The following GINS1 variants were observed in gnomAD, a reference collection of about 807,000 sequenced individuals.
GINS1 encodes GINS complex subunit 1, also known as DNA replication complex GINS protein PSF1.
GINS1 carries 26 observed loss-of-function variants against 34.9 expected under a neutral mutation model. The observed-to-expected ratio is 0.74, with a 90% CI of 0.55 to 1.03. GINS1 has a LOEUF of 1.03. GINS1 is among the 50% of genes least tolerant of loss of function. GINS1 has a pLI of 0.00. For missense variants in GINS1, 235 were observed against 237.9 expected (o/e 0.99, Z 0.08); for synonymous variants, 97 against 84.4 (o/e 1.15, Z -0.82).
At position 25,446,053 on chromosome 20, in the gene GINS1, CCACCACTCCCTT is replaced by C; in HGVS notation, c.*67_*78del. ...ATGGACTCCTCTGTACTCACTCTCT[CCACCACTCCCTT>C]CACCTCCCTCTTTGATTTTAGAAGC... On this transcript the variant is annotated 3_prime_UTR_variant, in exon 7 of 7. Coordinates refer to ENST00000262460, the MANE Select transcript of GINS1 (RefSeq NM_021067.5). 4 of 830,376 alleles carry C rather than the reference CCACCACTCCCTT, an allele frequency of 4.8e-6. No homozygotes were observed. 51.4% of individuals were successfully genotyped at this position (830,376 alleles called of 1,614,324 possible).
At chr20:25,411,875 G>A (rs2090287374) in intron 1 of GINS1, among the ~76,000 whole-genome samples, 2 of 151,908 alleles carry the variant, frequency 1.3e-5, no homozygotes, top group Admixed American at 6.6e-5. Flanking sequence ...CCCGGGAGAC[G>A]GAGGTTGCAG....
At chr20:25,417,005 G>T (rs879703037) in intron 2 of GINS1, 99 bp from the exon 3 acceptor site, 7 of 599,850 alleles carry the variant, frequency 1.2e-5, no homozygotes, top group Non-Finnish European at 2.1e-5. Context: ...ATCACAAATG[G>T]ATTAAAAACA....
At position 25,407,783 on chromosome 20, in the gene GINS1, G is replaced by C; in HGVS notation, c.-38G>C. The C allele has an allele frequency of 3.9e-6, 6 of 1,545,310 alleles. No individual in the cohort carries two copies. The highest frequency in any genetic ancestry group is 1.7e-4 in the Middle Eastern group (1 of 5,950). On this transcript the variant is annotated 5_prime_UTR_variant, in exon 1 of 7. Transcript: ENST00000262460. ...CAGATACCATTTTGGCGTGAGAGCT[G>C]GTGGTTGGCAAGGCCGCGGGAGTGG...
At chr20:25,434,728 A>G (rs2090445106) in intron 5 of GINS1, among the ~76,000 whole-genome samples, 1 of 152,176 alleles carries the variant, frequency 6.6e-6, no homozygotes, top group African/African-American at 2.4e-5. Context: ...TATAGGCTTG[A>G]GCCACTGTGC....
At chr20:25,442,487 G>A (rs1004811094) in intron 6 of GINS1, among the ~76,000 whole-genome samples, 2 of 150,836 alleles carry the variant, frequency 1.3e-5, no homozygotes, top group Non-Finnish European at 3.0e-5. Flanking sequence ...CCTAAAGTGC[G>A]AGGATTACAG....
chr20:25,443,394 A>C (rs1458189038), intron 6 of GINS1, among the ~76,000 whole-genome samples: 1 of 152,180 alleles, frequency 6.6e-6, no homozygotes, highest in Non-Finnish European at 1.5e-5. Flanking sequence ...GCTCTGGCAC[A>C]AGAACAAGAA....
intron 5 of GINS1, among the ~76,000 whole-genome samples, chr20:25,436,425 C>G (rs1421023149): frequency 6.6e-6 from 1 of 152,054 alleles, no homozygotes; most frequent in Non-Finnish European, 1.5e-5. Flanking sequence ...TCTCTCTGCC[C>G]CTTTGTCTTT....
intron 1 of GINS1, chr20:25,413,430 A>G (rs780696896): frequency 5.1e-5 from 9 of 175,112 alleles, no homozygotes; most frequent in Admixed American, 1.2e-4. Context: ...GGTTGTTTCT[A>G]CATTTTTATT....
At chr20:25,428,692 CCG>C (rs2090407661) in intron 5 of GINS1, among the ~76,000 whole-genome samples, 5 of 151,550 alleles carry the variant, frequency 3.3e-5, no homozygotes, top group Admixed American at 2.6e-4. Flanking sequence ...GTGTGAGCCA[CCG>C]CACCCGGCCT....
chr20:25,445,251 A>G (rs992185330), intron 6 of GINS1, among the ~76,000 whole-genome samples: 4 of 151,998 alleles, frequency 2.6e-5, no homozygotes, highest in Admixed American at 1.3e-4. Flanking sequence ...CTGGAGTGCA[A>G]TGGCACAATC....
chr20:25,419,645 T>C, intron 4 of GINS1: 1 of 765,106 alleles, frequency 1.3e-6, no homozygotes, highest in Non-Finnish European at 1.8e-6. Context: ...ATTTTTCTCA[T>C]ACAATATTTT....
In GINS1 at chr20:25,407,684, A is replaced by T. The variant is rs1277104154; in HGVS notation, c.-137A>T. ...TATTGGCTAGCTTTGTTCGGCGCCA[A>T]AGCGCGGAGCGGAGGCCGAGGCGAG... On this transcript the variant is annotated 5_prime_UTR_variant, in exon 1 of 7. Transcript: ENST00000262460. 5 of 712,430 alleles carry T rather than the reference A, an allele frequency of 7.0e-6. No homozygotes were observed. Among genetic ancestry groups the T allele is most frequent in the African/African-American group, 3.6e-5 (2 of 55,980 alleles). The allele number at this position is 712,430 out of a possible 1,614,324, so 44.1% of individuals were successfully genotyped here. A position where few individuals can be genotyped will look rare whatever the true frequency, so the allele number is the denominator to read the frequency against.
Position 25,428,234 on chromosome 20 carries a change from C to T in GINS1, c.447+2907C>T, listed in dbSNP as rs74549797. On this transcript the variant is annotated intron_variant, in intron 5 of 6. Transcript: ENST00000262460. ...ATATCCCAGAAATCATTGCTAAATA[C>T]AATGTCATAAAACTTTTGACCTGTA... 4.4e-3 allele frequency among the ~76,000 whole-genome samples: 663 copies of T among 151,892 alleles called. 7 individuals are homozygous for T. The highest frequency in any genetic ancestry group is 0.015 in the African/African-American group (633 of 41,424).
At chr20:25,436,121 A>T (rs2090453929) in intron 5 of GINS1, among the ~76,000 whole-genome samples, 1 of 151,858 alleles carries the variant, frequency 6.6e-6, no homozygotes, top group South Asian at 2.1e-4. Flanking sequence ...GCCCGGCCGA[A>T]TTAAACTTTT....
At chr20:25,428,156 AGCCATC>A (rs2090402967) in intron 5 of GINS1, among the ~76,000 whole-genome samples, 1 of 152,050 alleles carries the variant, frequency 6.6e-6, no homozygotes, top group East Asian at 1.9e-4. Context: ...TACAGGCGTG[AGCCATC>A]GCACCCGGCC....
intron 5 of GINS1, among the ~76,000 whole-genome samples, chr20:25,426,635 CTGG>C (rs2090392572): frequency 6.6e-6 from 1 of 151,856 alleles, no homozygotes; most frequent in Non-Finnish European, 1.5e-5. Context: ...AAGTGATTCT[CTGG>C]CCTCAGCCTC....
chr20:25,438,512 CTTTTTTTTTTT>C (rs35305107), intron 5 of GINS1, among the ~76,000 whole-genome samples: 2 of 67,998 alleles, frequency 2.9e-5, no homozygotes, highest in African/African-American at 6.4e-5. Flanking sequence ...AAGAACAACA[CTTTTTTTTTTT>C]TTTTTTTTTT....
At chr20:25,414,237 A>ATTAGTT in intron 2 of GINS1, among the ~76,000 whole-genome samples, 1 of 149,898 alleles carries the variant, frequency 6.7e-6, no homozygotes, top group Admixed American at 6.6e-5. Flanking sequence ...ATAACCTTGC[A>ATTAGTT]TTAGTTTTGG....
rs2090513448 is a variant in GINS1 at position 25,446,495 on chromosome 20, C to T, written c.*504C>T. On this transcript the variant is annotated 3_prime_UTR_variant, in exon 7 of 7. Transcript: ENST00000262460. ...AGGTAGATCCTGTGTGTCTTGTTTT[C>T]TGGTCATGTGTATTGTACAAGCTAG... 1 of 152,840 alleles carries T rather than the reference C, an allele frequency of 6.5e-6. No individual in the cohort carries two copies. Among genetic ancestry groups the T allele is most frequent in the Non-Finnish European group, 1.5e-5 (1 of 68,486 alleles). 9.5% of individuals were successfully genotyped at this position (152,840 alleles called of 1,614,324 possible). A position where few individuals can be genotyped will look rare whatever the true frequency, so the allele number is the denominator to read the frequency against.
Sources: gnomAD v4.1 joint callset for allele counts (sites outside exome capture counted in the v4.1 genomes callset) on GRCh38, gnomAD v4.1.1 for gene constraint, MANE v1.5 for transcripts, NCBI Gene and HGNC (gene_info 2026-07-23, HGNC 2026-07-21) for gene names.